The following AR variants were observed in gnomAD, a reference collection of about 807,000 sequenced individuals.
The protein encoded by AR is androgen receptor.
Under a neutral mutation model 53.9 loss-of-function variants are expected in AR, and 8 were observed. The observed-to-expected ratio is 0.15, with a 90% CI of 0.09 to 0.27. The LOEUF (loss-of-function observed/expected upper bound fraction) is 0.27. AR is among the 10% of genes least tolerant of loss of function. The probability of loss-of-function intolerance (pLI) is 1.00; values close to 1 mark genes in which losing one functional copy is unlikely to be tolerated. For missense variants in AR, 639 were observed against 742.5 expected (o/e 0.86, Z 1.62); for synonymous variants, 359 against 316.4 (o/e 1.13, Z -1.43).
chrX:67,723,905 A>T lies in AR; in HGVS notation c.*64A>T, dbSNP rs2147541206. 8.6e-7 allele frequency: 1 copy of T among 1,167,709 alleles called. No individual in the cohort carries two copies. The highest frequency in any genetic ancestry group is 1.2e-6 in the Non-Finnish European group (1 of 862,800). ...CCCTTTCAGATGTCTTCTGCCTGTT[A>T]TAACTCTGCACTACTCCTCTGCAGT... On this transcript the variant is annotated 3_prime_UTR_variant, in exon 8 of 8. Transcript: ENST00000374690.
chrX:67,665,864 A>T (rs1019522525), intron 2 of AR, among the ~76,000 whole-genome samples: 1 of 111,734 alleles, frequency 8.9e-6, no homozygotes, highest in Non-Finnish European at 1.9e-5. Flanking sequence ...TGGATCCTGC[A>T]GATAAGCCTT....
intron 2 of AR, among the ~76,000 whole-genome samples, chrX:67,657,445 A>C (rs1262825882): frequency 9.0e-6 from 1 of 111,342 alleles, no homozygotes; most frequent in Non-Finnish European, 1.9e-5. Context: ...TGTACTCCAC[A>C]TCACTTCATG....
chrX:67,699,553 A>G, intron 3 of AR, among the ~76,000 whole-genome samples: 1 of 111,832 alleles, frequency 8.9e-6, no homozygotes. Context: ...AGGTACATCA[A>G]GAATAGCCAC....
At chrX:67,548,293 T>C (rs1313434629) in intron 1 of AR, among the ~76,000 whole-genome samples, 10 of 111,907 alleles carry the variant, frequency 8.9e-5, no homozygotes. Context: ...GGCTTTACAT[T>C]CCATTAGGTT....
At chrX:67,685,984 A>G (rs2075964391) in intron 2 of AR, 26 bp from the exon 3 acceptor site, 2 of 1,209,827 alleles carry the variant, frequency 1.7e-6, no homozygotes, top group East Asian at 3.0e-5. Flanking sequence ...TATCAGGTCT[A>G]TCAACTCTTG....
Position 67,546,144 on chromosome X carries a change from C to T in AR, c.998C>T (p.Ala333Val), listed in dbSNP as rs2147319548. 2 of 1,212,226 alleles carry T rather than the reference C, an allele frequency of 1.6e-6. No homozygotes were observed. The highest frequency in any genetic ancestry group is 2.2e-6 in the Non-Finnish European group (2 of 895,566). The change falls in exon 1 of 8, where the codon GCA (alanine) becomes GTA (valine). Residue 333 changes from alanine (A) to valine (V), a missense_variant. Ala to Val is a moderately conservative substitution (Grantham distance 64, BLOSUM62 0). This residue lies in a region of AR where 423 missense variants were observed against 377.0 expected (regional missense o/e 1.12). Transcript: ENST00000374690. ...CTAGGCTGCTCTGGCAGCGCTGCAGCAGGGAGCTCCGGGACACTTGAACTG... is the reference window on the plus strand; with the variant it reads ...CTAGGCTGCTCTGGCAGCGCTGCAGTAGGGAGCTCCGGGACACTTGAACTG... ...ESLGCSGSAA[A>V]GSSGTLELPS... is the part of the protein sequence containing the mutation.
chrX:67,631,308 G>C (rs1925091388), intron 1 of AR, among the ~76,000 whole-genome samples: 1 of 111,297 alleles, frequency 9.0e-6, no homozygotes, highest in Non-Finnish European at 1.9e-5. Context: ...TTTTCCCATA[G>C]TCCCATATTT....
chrX:67,550,049 C>G (rs1375177213), intron 1 of AR, among the ~76,000 whole-genome samples: 1 of 111,720 alleles, frequency 9.0e-6, no homozygotes, highest in Non-Finnish European at 1.9e-5. Context: ...TTGTGGTCAG[C>G]AAATAGGTGG....
At chrX:67,681,692 C>T (rs1342162522) in intron 2 of AR, among the ~76,000 whole-genome samples, 5 of 112,232 alleles carry the variant, frequency 4.5e-5, no homozygotes, top group African/African-American at 1.3e-4. Context: ...AAGGAAAGGA[C>T]ATATAACACA....
chrX:67,577,522 G>C (rs1922111202), intron 1 of AR, among the ~76,000 whole-genome samples: 2 of 111,224 alleles, frequency 1.8e-5, no homozygotes, highest in Admixed American at 1.9e-4. Context: ...TAATATGGTA[G>C]CTTAACATTT....
intron 1 of AR, among the ~76,000 whole-genome samples, chrX:67,565,775 C>A (rs1168702847): frequency 9.0e-6 from 1 of 111,719 alleles, no homozygotes; most frequent in African/African-American, 3.3e-5. Flanking sequence ...TCACTGCAAC[C>A]TCTGCCTCCT....
chrX:67,617,025 G>A (rs905337928), intron 1 of AR, among the ~76,000 whole-genome samples: 7 of 111,546 alleles, frequency 6.3e-5, no homozygotes, highest in African/African-American at 2.3e-4. Context: ...AACTAGTACC[G>A]GGAGCAAGGC....
intron 1 of AR, among the ~76,000 whole-genome samples, chrX:67,637,305 C>G (rs1021495468): frequency 2.0e-5 from 2 of 100,589 alleles, no homozygotes; most frequent in Non-Finnish European, 4.0e-5. Context: ...TTAGGTATAT[C>G]TCCTAATGCT....
At chrX:67,674,375 T>G (rs1372703882) in intron 2 of AR, among the ~76,000 whole-genome samples, 2 of 109,923 alleles carry the variant, frequency 1.8e-5, no homozygotes, top group African/African-American at 6.6e-5. Context: ...GCCTAAGGGC[T>G]ATACAATCAG....
chrX:67,644,297 G>A (rs1020404819), intron 2 of AR, among the ~76,000 whole-genome samples: 3 of 111,474 alleles, frequency 2.7e-5, no homozygotes, highest in Non-Finnish European at 3.8e-5. Flanking sequence ...TTGATGAGGA[G>A]CCCCTAGAGA....
chrX:67,654,496 C>T (rs1185610363), intron 2 of AR, among the ~76,000 whole-genome samples: 2 of 110,203 alleles, frequency 1.8e-5, no homozygotes, highest in Admixed American at 9.8e-5. Context: ...GTAACATTCC[C>T]CAGCCAGCCC....
chrX:67,718,667 G>A lies in AR; in HGVS notation c.2318+1045G>A, dbSNP rs767996430. ...TTTCCCCGAGATGGGGTTTTGCTCT[G>A]CCACCCAGGCTGGAGGGCAGTGGCG... On this transcript the variant is annotated intron_variant, in intron 5 of 7. Transcript: ENST00000374690. Among the ~76,000 whole-genome samples, 12 of 110,467 alleles carry A rather than the reference G, an allele frequency of 1.1e-4. No homozygotes were observed. The South Asian group carries it at 1.6e-3, about 15-fold the overall frequency.
At chrX:67,684,883 C>T (rs1170105002) in intron 2 of AR, among the ~76,000 whole-genome samples, 3 of 110,509 alleles carry the variant, frequency 2.7e-5, no homozygotes, top group Non-Finnish European at 5.7e-5. Flanking sequence ...TTTTTTTCTA[C>T]TCTCAAATAT....
chrX:67,618,568 A>C, intron 1 of AR, among the ~76,000 whole-genome samples: 1 of 111,806 alleles, frequency 8.9e-6, no homozygotes, highest in East Asian at 2.9e-4. Context: ...GATGGGAATC[A>C]GATATGTGCA....
Sources: allele counts gnomAD v4.1 joint callset (sites outside exome capture counted in the v4.1 genomes callset), GRCh38; gene constraint gnomAD v4.1.1; regional missense constraint gnomAD v4.1.1; transcripts MANE v1.5; gene names NCBI Gene and HGNC (gene_info 2026-07-23, HGNC 2026-07-21).